Variants in SULT2B1 observed in about 807,000 individuals in gnomAD.
SULT2B1 encodes the protein sulfotransferase 2B1.
In SULT2B1, 16 loss-of-function variants were observed where a neutral mutation model predicts 33.2. That is an observed-to-expected ratio of 0.48 (90% CI 0.33 to 0.73). SULT2B1 has a LOEUF of 0.73. Ranked by LOEUF, SULT2B1 falls within the 30% of genes least tolerant of loss-of-function variation. The pLI is 0.02. For synonymous variants in SULT2B1, 186 were observed against 200.5 expected (o/e 0.93, Z 0.61); for missense variants, 500 against 506.0 (o/e 0.99, Z 0.11).
At chr19:48,587,111 T>TA (rs34482710) in intron 2 of SULT2B1, 118 bp from the exon 3 acceptor site, 405,009 of 643,070 alleles carry the variant, frequency 0.63, 120,636 homozygotes, top group Middle Eastern at 0.67. Context: ...GACTCTGTCT[T>TA]AAAAAAAAAT....
At chr19:48,556,652 T>TA (rs747543551) in intron 1 of SULT2B1, among the ~76,000 whole-genome samples, 6,596 of 141,382 alleles carry the variant, frequency 0.047, 410 homozygotes, top group African/African-American at 0.15. Flanking sequence ...ATATGTGATT[T>TA]AAAAAAAAAA....
intron 5 of SULT2B1, chr19:48,595,868 T>A (rs1282027798): frequency 6.6e-6 from 1 of 152,174 alleles, no homozygotes; most frequent in Admixed American, 6.6e-5. Flanking sequence ...GGTTTTACCA[T>A]GTTGGCCAGA....
chr19:48,585,878 A>G (rs1256605437), intron 2 of SULT2B1, among the ~76,000 whole-genome samples: 4 of 152,172 alleles, frequency 2.6e-5, no homozygotes, highest in African/African-American at 9.7e-5. Context: ...TGAAAAGAGC[A>G]GAGATTTTTA....
At chr19:48,576,127 AG>A in intron 2 of SULT2B1, 44 bp downstream of exon 2, 3 of 994,038 alleles carry the variant, frequency 3.0e-6, no homozygotes, top group South Asian at 1.3e-5. Flanking sequence ...GAGAGTGGGG[AG>A]GGGGTGCGGC....
chr19:48,571,827 A>G (rs1188648300), intron 1 of SULT2B1, among the ~76,000 whole-genome samples: 1 of 152,010 alleles, frequency 6.6e-6, no homozygotes, highest in Non-Finnish European at 1.5e-5. Flanking sequence ...AGGATGCTGT[A>G]GGGTAGCCCT....
chr19:48,597,881 G>T (rs536099895), intron 6 of SULT2B1, among the ~76,000 whole-genome samples: 2 of 151,606 alleles, frequency 1.3e-5, no homozygotes, highest in African/African-American at 4.8e-5. Context: ...CTGACCACCC[G>T]CCTCTTCCTC....
intron 1 of SULT2B1, among the ~76,000 whole-genome samples, chr19:48,559,353 GT>G (rs1273913606): frequency 1.7e-5 from 1 of 60,170 alleles, no homozygotes; most frequent in Non-Finnish European, 3.2e-5. Flanking sequence ...TTTGTTTTTT[GT>G]TTTGTTTTGT....
intron 1 of SULT2B1, among the ~76,000 whole-genome samples, chr19:48,564,789 TTTG>T (rs200856601): frequency 4.2e-4 from 63 of 151,766 alleles, no homozygotes; most frequent in African/African-American, 1.4e-3. Context: ...TCCTTCTGGG[TTTG>T]TTGTTGTTGT....
At chr19:48,567,158 C>G (rs1973255363) in intron 1 of SULT2B1, among the ~76,000 whole-genome samples, 2 of 152,142 alleles carry the variant, frequency 1.3e-5, no homozygotes, top group African/African-American at 4.8e-5. Flanking sequence ...TCTCTTGGAA[C>G]ATCATTGCCA....
intron 1 of SULT2B1, among the ~76,000 whole-genome samples, chr19:48,575,371 C>A (rs981788118): frequency 1.3e-5 from 2 of 151,070 alleles, no homozygotes; most frequent in African/African-American, 2.4e-5. Flanking sequence ...ACCTCCTGAC[C>A]TCGTGATCCA....
intron 1 of SULT2B1, among the ~76,000 whole-genome samples, chr19:48,566,339 C>A (rs1973243174): frequency 2.6e-5 from 4 of 152,158 alleles, no homozygotes; most frequent in African/African-American, 9.6e-5. Flanking sequence ...AGGATTTGGG[C>A]TCCCAAAATG....
At position 48,552,452 on chromosome 19, in the gene SULT2B1, A is replaced by T; in HGVS notation, c.71+129A>T. 20 of 910,436 alleles carry T rather than the reference A, an allele frequency of 2.2e-5. No homozygotes were observed. The highest frequency in any genetic ancestry group is 1.1e-4 in the East Asian group (4 of 35,296). 56.4% of individuals were successfully genotyped at this position (910,436 alleles called of 1,614,324 possible). A position where few individuals can be genotyped will look rare whatever the true frequency, so the allele number is the denominator to read the frequency against. ...GCAGGCCTGGCCCAGACTTAGCTGG[A>T]GGGGCTGGGCTGGGCTGGGGCATCC... On this transcript the variant is annotated intron_variant, in intron 1 of 6. Transcript: ENST00000201586. The surrounding 1 kb of genome is among the most constrained non-coding windows in gnomAD (Gnocchi z 4.8).
At chr19:48,561,922 C>G (rs1458949295) in intron 1 of SULT2B1, among the ~76,000 whole-genome samples, 1 of 152,068 alleles carries the variant, frequency 6.6e-6, no homozygotes, top group Non-Finnish European at 1.5e-5. Flanking sequence ...CAAGACCAGC[C>G]TGGTCAACAT....
intron 4 of SULT2B1, among the ~76,000 whole-genome samples, 183 bp downstream of exon 4, chr19:48,591,918 G>A (rs114408933): frequency 2.8e-3 from 430 of 152,088 alleles, no homozygotes; most frequent in African/African-American, 9.7e-3. Context: ...CTGAGAGACC[G>A]AAAGACACAG....
At chr19:48,568,499 A>G (rs2544800) in intron 1 of SULT2B1, among the ~76,000 whole-genome samples, 83,154 of 151,898 alleles carry the variant, frequency 0.55, 23,596 homozygotes, top group African/African-American at 0.69. Flanking sequence ...CACTCCTGCC[A>G]AGAGAGTATC....
intron 1 of SULT2B1, among the ~76,000 whole-genome samples, chr19:48,571,423 C>T (rs1049287179): frequency 6.6e-6 from 1 of 151,746 alleles, no homozygotes; most frequent in South Asian, 2.1e-4. Context: ...TCTTGAACTC[C>T]TGACCTCAGG....
intron 1 of SULT2B1, among the ~76,000 whole-genome samples, chr19:48,555,842 C>A (rs962780502): frequency 6.6e-6 from 1 of 151,716 alleles, no homozygotes; most frequent in Non-Finnish European, 1.5e-5. Context: ...CAGGTTCAAG[C>A]GATTCTTCTG....
intron 1 of SULT2B1, among the ~76,000 whole-genome samples, chr19:48,554,717 A>C (rs279446): frequency 7.7e-6 from 1 of 129,154 alleles, no homozygotes; most frequent in African/African-American, 3.1e-5. Context: ...AGGCTGGAGC[A>C]CAGTGGAACG....
chr19:48,577,616 G>A (rs373299940), intron 2 of SULT2B1, among the ~76,000 whole-genome samples: 2 of 151,826 alleles, frequency 1.3e-5, no homozygotes, highest in Non-Finnish European at 1.5e-5. Context: ...TGCCCACCTC[G>A]GCCTCCCAAA....
Sources: allele counts gnomAD v4.1 joint callset (sites outside exome capture counted in the v4.1 genomes callset), GRCh38; gene constraint gnomAD v4.1.1; non-coding constraint Gnocchi (gnomAD v3.1); transcripts MANE v1.5; gene names NCBI Gene and HGNC (gene_info 2026-07-23, HGNC 2026-07-21).